ERC1: variants seen among roughly 807,000 people sequenced by gnomAD.
ERC1 encodes RAB6 interacting protein 2.
ERC1 carries 56 observed loss-of-function variants against 132.0 expected under a neutral mutation model. That is an observed-to-expected ratio of 0.42 (90% confidence interval 0.34 to 0.53). ERC1 has a LOEUF of 0.53. ERC1 is among the 20% of genes least tolerant of loss of function. The pLI, the probability that ERC1 is intolerant of heterozygous loss-of-function variation, is 0.03. For synonymous variants in ERC1, 478 were observed against 476.1 expected (o/e 1.00, Z -0.05); for missense variants, 1,202 against 1,349.9 (o/e 0.89, Z 1.72).
At chr12:1,434,491 G>A (rs746594309) in intron 17 of ERC1, among the ~76,000 whole-genome samples, 7 of 152,166 alleles carry the variant, frequency 4.6e-5, no homozygotes, top group Non-Finnish European at 1.0e-4. Context: ...TTCTGTGGCC[G>A]CTTGCTGGCG....
chr12:1,287,684 C>T (rs748654814), intron 14 of ERC1, among the ~76,000 whole-genome samples: 3 of 152,138 alleles, frequency 2.0e-5, no homozygotes, highest in East Asian at 1.9e-4. Context: ...GGAGCCTGCT[C>T]GCCTTCAGAC....
chr12:1,191,981 A>G (rs1449459956), intron 12 of ERC1, among the ~76,000 whole-genome samples: 2 of 152,236 alleles, frequency 1.3e-5, no homozygotes, highest in Non-Finnish European at 2.9e-5. Flanking sequence ...GTGATCGAGC[A>G]TGGCATTTTA....
intron 1 of ERC1, among the ~76,000 whole-genome samples, chr12:995,636 G>T (rs936158738): frequency 6.6e-6 from 1 of 152,148 alleles, no homozygotes. Context: ...ATCATCAGGG[G>T]AGTGAATTTT....
At chr12:1,397,619 A>G (rs1026702565) in intron 16 of ERC1, among the ~76,000 whole-genome samples, 2 of 152,238 alleles carry the variant, frequency 1.3e-5, no homozygotes, top group African/African-American at 4.8e-5. Flanking sequence ...TTATATGAGT[A>G]TATGATTGCT....
In ERC1 at chr12:1,493,542, A is replaced by ATATATATATATATATAT. The variant is rs1555139579; in HGVS notation, c.*3312_*3313insTATATATATATATATAT. 3.0e-4 allele frequency: 7 copies of ATATATATATATATATAT among 23,458 alleles called. No individual in the cohort carries two copies. The highest frequency in any genetic ancestry group is 3.7e-4 in the African/African-American group (3 of 8,162). The allele number at this position is 23,458 out of a possible 1,614,324, so 1.5% of individuals were successfully genotyped here. The stretch of plus-strand genomic sequence containing the variant: ...ACAGAGACTCCATTTAAAAAAAAAA[A>ATATATATATATATATAT]AAAAAAATATATATATATATATATA... On this transcript the variant is annotated 3_prime_UTR_variant, in exon 19 of 19. Coordinates refer to ENST00000360905, the MANE Select transcript of ERC1 (RefSeq NM_178040.4).
At chr12:1,198,844 C>T (rs1190267935) in intron 12 of ERC1, among the ~76,000 whole-genome samples, 1 of 152,190 alleles carries the variant, frequency 6.6e-6, no homozygotes, top group African/African-American at 2.4e-5. Context: ...AACTCTGTCA[C>T]AAGACAGCAC....
At chr12:1,144,973 A>G (rs1003884558) in intron 8 of ERC1, among the ~76,000 whole-genome samples, 3 of 151,788 alleles carry the variant, frequency 2.0e-5, no homozygotes, top group Non-Finnish European at 2.9e-5. Context: ...TTTAAATTAT[A>G]TCGCATTGTG....
At chr12:1,258,193 C>T (rs1371765518) in intron 13 of ERC1, among the ~76,000 whole-genome samples, 4 of 152,188 alleles carry the variant, frequency 2.6e-5, no homozygotes, top group Non-Finnish European at 2.9e-5. Flanking sequence ...AGTAAGTCAA[C>T]TTCCTAATTT....
intron 15 of ERC1, among the ~76,000 whole-genome samples, chr12:1,346,697 C>T (rs1382650602): frequency 6.6e-6 from 1 of 151,482 alleles, no homozygotes; most frequent in Admixed American, 6.6e-5. Flanking sequence ...AATCCCAGCA[C>T]TTTGGGAGGC....
At chr12:1,219,286 A>T (rs899221689) in intron 12 of ERC1, among the ~76,000 whole-genome samples, 19 of 152,196 alleles carry the variant, frequency 1.2e-4, no homozygotes, top group Non-Finnish European at 2.2e-4. Context: ...CAATGTCTTT[A>T]GTTAAATATC....
chr12:1,135,063 T>G (rs1949122993), intron 7 of ERC1, among the ~76,000 whole-genome samples: 1 of 152,162 alleles, frequency 6.6e-6, no homozygotes, highest in Non-Finnish European at 1.5e-5. Context: ...TGAGGAGTCC[T>G]GAGACCAAAG....
intron 18 of ERC1, among the ~76,000 whole-genome samples, chr12:1,448,315 G>T (rs767947734): frequency 6.6e-5 from 10 of 152,180 alleles, no homozygotes; most frequent in Non-Finnish European, 1.5e-4. Context: ...AGAGACCTGG[G>T]TCATCTACAG....
chr12:1,270,039 A>G (rs976112257), intron 14 of ERC1, among the ~76,000 whole-genome samples: 8 of 152,212 alleles, frequency 5.3e-5, no homozygotes, highest in Non-Finnish European at 1.2e-4. Context: ...ATAATTTTCG[A>G]TGACACGTTA....
intron 8 of ERC1, among the ~76,000 whole-genome samples, chr12:1,167,435 G>T (rs73593940): frequency 0.035 from 5,282 of 152,270 alleles, 283 homozygotes; most frequent in African/African-American, 0.12. Context: ...AACTAACCAC[G>T]TGAAGAAGTT....
At chr12:1,478,216 C>G (rs59394469) in intron 18 of ERC1, among the ~76,000 whole-genome samples, 1 of 152,094 alleles carries the variant, frequency 6.6e-6, no homozygotes, top group African/African-American at 2.4e-5. Flanking sequence ...GCACTTGATA[C>G]TGTCTGTCTT....
chr12:1,290,018 T>G lies in ERC1; in HGVS notation c.2780+6T>G. Reference sequence around the variant, plus strand: ...GAGGAAGTTCTGGAGATGAAGTAAGTGTTTGTAGTCTTATTCTTCAAGCAT... The same window carrying G: ...GAGGAAGTTCTGGAGATGAAGTAAGGGTTTGTAGTCTTATTCTTCAAGCAT... On this transcript the variant is annotated splice_donor_region_variant and intron_variant, in intron 15 of 18. Coordinates refer to ENST00000360905, the MANE Select transcript of ERC1 (RefSeq NM_178040.4). The G allele has an allele frequency of 6.2e-7, 1 of 1,612,360 alleles. No individual in the cohort carries two copies. Among genetic ancestry groups the G allele is most frequent in the Non-Finnish European group, 8.5e-7 (1 of 1,178,478 alleles).
chr12:1,293,476 A>ACAG (rs1190943894), intron 15 of ERC1, among the ~76,000 whole-genome samples: 19 of 119,868 alleles, frequency 1.6e-4, no homozygotes, highest in African/African-American at 4.9e-4. Flanking sequence ...AACAACAACA[A>ACAG]CAATTAGCCA....
chr12:1,002,359 T>C (rs80217138), intron 1 of ERC1, among the ~76,000 whole-genome samples: 1 of 141,634 alleles, frequency 7.1e-6, no homozygotes, highest in East Asian at 2.1e-4. Flanking sequence ...TTTTTTTTGG[T>C]ACTTTTTTGT....
intron 8 of ERC1, among the ~76,000 whole-genome samples, chr12:1,149,011 T>G: frequency 6.6e-6 from 1 of 152,212 alleles, no homozygotes; most frequent in East Asian, 1.9e-4. Context: ...GTGGTCAGAA[T>G]CAACATTTGT....
Sources: allele counts gnomAD v4.1 joint callset (sites outside exome capture counted in the v4.1 genomes callset), GRCh38; gene constraint gnomAD v4.1.1; transcripts MANE v1.5; gene names NCBI Gene and HGNC (gene_info 2026-07-23, HGNC 2026-07-21).